The following TEX14 variants were observed in gnomAD, a reference collection of about 807,000 sequenced individuals.
TEX14 encodes inactive serine/threonine-protein kinase TEX14.
Under a neutral mutation model 178.6 loss-of-function variants are expected in TEX14, and 168 were observed. The observed-to-expected ratio is 0.94, with a 90% CI of 0.83 to 1.07. TEX14 has a LOEUF of 1.07. Ranked by LOEUF, TEX14 falls within the 50% of genes least tolerant of loss-of-function variation. TEX14 has a pLI of 0.00. For synonymous variants in TEX14, 626 were observed against 634.1 expected, an observed-to-expected ratio of 0.99 and a Z score of 0.19; for missense variants, 1,730 against 1,753.6, an observed-to-expected ratio of 0.99 and a Z score of 0.24.
At chr17:58,629,808 C>A (rs1287082182) in intron 3 of TEX14, among the ~76,000 whole-genome samples, 5 of 150,672 alleles carry the variant, frequency 3.3e-5, no homozygotes, top group Non-Finnish European at 7.4e-5. Context: ...GCACTCCAGC[C>A]TGGGCGACAG....
rs2046001297 is a variant in TEX14 at position 58,621,702 on chromosome 17, A to T, written c.502T>A (p.Ser168Thr). The T allele has an allele frequency of 6.2e-7, 1 of 1,614,014 alleles. No individual in the cohort carries two copies. The highest frequency in any genetic ancestry group is 1.3e-5 in the African/African-American group (1 of 74,902). The change falls in exon 5 of 32, where the codon TCC becomes ACC. Residue 168 changes from serine to threonine, a missense_variant. By Grantham distance (58) the Ser-to-Thr change is moderately conservative. Around this residue, in one of 2 missense-constraint regions of TEX14, gnomAD observed 789 missense variants for 681.2 expected, o/e 1.16. Transcript: ENST00000349033. ...GGGCTGTAGACAAGCCGCTGCGGGG[A>T]GTCTATCTTCTTCAGGAGGTCGTAA... Reference protein sequence around the residue: ...FSYDLLKKIDSPQRLVYSPSW... With the variant: ...FSYDLLKKIDTPQRLVYSPSW...
intron 1 of TEX14, chr17:58,679,506 C>A (rs1308805054): frequency 6.6e-6 from 1 of 152,126 alleles, no homozygotes; most frequent in South Asian, 2.1e-4. Flanking sequence ...CAACGTACGC[C>A]TTTTATAAAC....
At chr17:58,593,771 C>T in intron 14 of TEX14, 110 bp from the exon 15 acceptor site, 1 of 887,454 alleles carries the variant, frequency 1.1e-6, no homozygotes, top group Non-Finnish European at 1.8e-6. Flanking sequence ...AATAACCAGA[C>T]CTACCAGGAT....
At chr17:58,614,317 CT>C (rs1237253760) in intron 8 of TEX14, among the ~76,000 whole-genome samples, 2 of 152,232 alleles carry the variant, frequency 1.3e-5, no homozygotes, top group East Asian at 3.9e-4. Context: ...TGATGAAACC[CT>C]GTCTCTACTG....
chr17:58,629,846 A>T (rs12949070), intron 3 of TEX14, among the ~76,000 whole-genome samples: 103,457 of 144,030 alleles, frequency 0.72, 37,727 homozygotes, highest in Non-Finnish European at 0.74. Flanking sequence ...AAAAAAAAAA[A>T]AAATAAATAA....
intron 1 of TEX14, among the ~76,000 whole-genome samples, chr17:58,688,916 TTTG>T (rs2047645846): frequency 1.3e-5 from 2 of 152,174 alleles, no homozygotes; most frequent in Middle Eastern, 6.8e-3. Flanking sequence ...ACCCCCACAT[TTTG>T]TTTTTATTTC....
In TEX14 at chr17:58,640,621, G is replaced by GTGTA. The variant is rs1174945483; in HGVS notation, c.137-10068_137-10067insTACA. Among the ~76,000 whole-genome samples, 717 of 119,874 alleles carry GTGTA rather than the reference G, an allele frequency of 6.0e-3. 2 individuals are homozygous for GTGTA. The highest frequency in any genetic ancestry group is 0.028 in the African/African-American group (696 of 25,142). The allele number at this position is 119,874 out of a possible 152,430, so 78.6% of individuals were successfully genotyped here. A position where few individuals can be genotyped will look rare whatever the true frequency, so the allele number is the denominator to read the frequency against. On this transcript the variant is annotated intron_variant, in intron 2 of 31. Coordinates refer to ENST00000349033, the MANE Select transcript of TEX14 (RefSeq NM_031272.5). ...GCAGAGCTTACCTTCTAGTGTGTGT[G>GTGTA]TGTGTGTGTGTGTGTGTGTGTGTGA...
intron 15 of TEX14, among the ~76,000 whole-genome samples, chr17:58,593,065 A>C (rs997507196): frequency 6.6e-6 from 1 of 152,070 alleles, no homozygotes; most frequent in African/African-American, 2.4e-5. Context: ...CATATATACA[A>C]ACACACACAC....
At chr17:58,623,949 C>A (rs1157062977) in intron 3 of TEX14, among the ~76,000 whole-genome samples, 7 of 152,126 alleles carry the variant, frequency 4.6e-5, no homozygotes. Context: ...GTTTTTGTAT[C>A]CTTCTGGAAA....
chr17:58,623,988 G>C (rs2046070077), intron 3 of TEX14, among the ~76,000 whole-genome samples: 1 of 152,272 alleles, frequency 6.6e-6, no homozygotes, highest in South Asian at 2.1e-4. Flanking sequence ...GTATAAATAA[G>C]AATACACTAA....
chr17:58,665,425 A>AC (rs1352311860), intron 1 of TEX14, among the ~76,000 whole-genome samples: 1 of 151,360 alleles, frequency 6.6e-6, no homozygotes, highest in Non-Finnish European at 1.5e-5. Flanking sequence ...ACTTGCCTAA[A>AC]CCCTGCCTCT....
chr17:58,584,970 A>C (rs2044918252), intron 18 of TEX14, among the ~76,000 whole-genome samples: 1 of 152,208 alleles, frequency 6.6e-6, no homozygotes, highest in African/African-American at 2.4e-5. Context: ...ATCAACTGAA[A>C]ATATACAGCC....
At chr17:58,649,586 T>C (rs780999439) in intron 2 of TEX14, among the ~76,000 whole-genome samples, 10 of 152,246 alleles carry the variant, frequency 6.6e-5, no homozygotes, top group African/African-American at 1.9e-4. Flanking sequence ...CATTTGAAGA[T>C]GCAGAATATT....
intron 11 of TEX14, among the ~76,000 whole-genome samples, chr17:58,603,230 A>C: frequency 6.6e-6 from 1 of 150,858 alleles, no homozygotes; most frequent in East Asian, 2.0e-4. Context: ...GTATATTGTC[A>C]TTTTGCCTCT....
At chr17:58,659,600 C>G (rs1457043194) in intron 1 of TEX14, among the ~76,000 whole-genome samples, 2 of 152,138 alleles carry the variant, frequency 1.3e-5, no homozygotes, top group African/African-American at 4.8e-5. Context: ...CTCTAGCTGC[C>G]GCTCCCAAGG....
chr17:58,585,911 TACTC>T lies in TEX14; in HGVS notation c.2956_2959del (p.Glu986IlefsTer66). 1 of 1,614,046 alleles carries T rather than the reference TACTC, an allele frequency of 6.2e-7. No homozygotes were observed. Among genetic ancestry groups the T allele is most frequent in the Non-Finnish European group, 8.5e-7 (1 of 1,179,998 alleles). ...TCTGGGCTCATCATTTTCCCTATGA[TACTC>T]AATAACTCGCTGCCAATCCGTGTTT... On this transcript the variant is annotated frameshift_variant, in exon 18 of 32. Transcript: ENST00000349033. LOFTEE classifies it high-confidence loss of function.
chr17:58,556,962 C>T lies in TEX14; in HGVS notation c.*49G>A, dbSNP rs758371925. ...AGAAAGAGAAGAAAGGAGCTTACAA[C>T]CAGGACACTCAAACTCAGGCCAGGA... is the stretch of plus-strand genomic sequence containing the variant. On this transcript the variant is annotated 3_prime_UTR_variant, in exon 32 of 32. Transcript: ENST00000349033. 1.3e-6 allele frequency: 2 copies of T among 1,495,994 alleles called. No homozygotes were observed. The highest frequency in any genetic ancestry group is 1.7e-5 in the Admixed American group (1 of 59,722). 92.7% of individuals were successfully genotyped at this position (1,495,994 alleles called of 1,614,324 possible).
At chr17:58,600,729 C>T (rs929868211) in intron 13 of TEX14, among the ~76,000 whole-genome samples, 1 of 152,040 alleles carries the variant, frequency 6.6e-6, no homozygotes, top group African/African-American at 2.4e-5. Flanking sequence ...GGTTACAGGG[C>T]CACTCTGGAG....
intron 9 of TEX14, among the ~76,000 whole-genome samples, chr17:58,611,859 C>A (rs1393052642): frequency 1.3e-5 from 2 of 152,156 alleles, no homozygotes; most frequent in African/African-American, 2.4e-5. Context: ...ATGGGTCTCT[C>A]CCCCAGAGAA....
Sources: gnomAD v4.1 joint callset for allele counts (sites outside exome capture counted in the v4.1 genomes callset) on GRCh38, gnomAD v4.1.1 for gene constraint, gnomAD v4.1.1 regional missense constraint, MANE v1.5 for transcripts, NCBI Gene and HGNC (gene_info 2026-07-23, HGNC 2026-07-21) for gene names.